Variants in MTERF4 observed in about 807,000 individuals in gnomAD.
MTERF4 encodes mitochondrial transcription termination factor 4.
Under a neutral mutation model 22.5 loss-of-function variants are expected in MTERF4, and 17 were observed. That is an observed-to-expected ratio of 0.75 (90% CI 0.52 to 1.13). The LOEUF is 1.13. Ranked by LOEUF, MTERF4 falls within the 50% of genes most tolerant of loss-of-function variation. The pLI, the probability that MTERF4 is intolerant of heterozygous loss-of-function variation, is 0.00. For missense variants in MTERF4, 420 were observed against 466.8 expected (o/e 0.90, Z 0.92); for synonymous variants, 165 against 175.3 (o/e 0.94, Z 0.47).
downstream of MTERF4, chr2:241,087,592 G>A (rs941834788): frequency 2.8e-5 from 40 of 1,451,472 alleles, no homozygotes; most frequent in African/African-American, 1.2e-4. Context: ...CGGTCTACTC[G>A]CCCAGATAGG....
chr2:241,101,020 C>G, intron 1 of MTERF4: 1 of 389,220 alleles, frequency 2.6e-6, no homozygotes, highest in South Asian at 1.9e-5. Context: ...ACGTTTTTGG[C>G]ACCAGGGACT....
downstream of MTERF4, chr2:241,067,912 C>T (rs367940771): frequency 3.5e-5 from 57 of 1,613,258 alleles, no homozygotes; most frequent in Admixed American, 1.5e-4. Flanking sequence ...ACCAGGCCAC[C>T]GATGTGGACA....
downstream of MTERF4, chr2:241,089,453 C>G: frequency 6.5e-7 from 1 of 1,542,124 alleles, no homozygotes; most frequent in Non-Finnish European, 8.8e-7. Context: ...TCACACACAC[C>G]AAAGGAAGAG....
downstream of MTERF4, chr2:241,071,483 G>A (rs1181169669): frequency 9.1e-6 from 13 of 1,433,626 alleles, no homozygotes; most frequent in African/African-American, 1.5e-4. Flanking sequence ...TCCAAGCACG[G>A]CTGAGTGTGA....
In MTERF4 at chr2:241,073,654, CT is replaced by C; in HGVS notation, n.2507del. The C allele has an allele frequency of 2.0e-6, 1 of 506,724 alleles. No homozygotes were observed. Among genetic ancestry groups the C allele is most frequent in the South Asian group, 3.6e-5 (1 of 28,148 alleles). 31.4% of individuals were successfully genotyped at this position (506,724 alleles called of 1,614,324 possible). On this transcript the variant is annotated non_coding_transcript_exon_variant, in exon 5 of 5. Transcript: ENST00000464344. The surrounding 1 kb of genome is among the most constrained non-coding windows in gnomAD (Gnocchi z 6.6). Reference sequence around the variant, plus strand: ...ATGCTGCCTCCCCTCCCCTCTCCTCCTTCGCCTCCACATGCAGCAGAGCCCA... The same window carrying C: ...ATGCTGCCTCCCCTCCCCTCTCCTCCTCGCCTCCACATGCAGCAGAGCCCA...
At chr2:241,082,159 G>C, downstream of MTERF4, 1 of 758,000 alleles carries the variant, frequency 1.3e-6, no homozygotes, top group Non-Finnish European at 2.2e-6. Context: ...CCACCATCCC[G>C]CCTTGGAGGA....
chr2:241,065,446 G>A, the MTERF4 span: 10 of 1,613,022 alleles, frequency 6.2e-6, no homozygotes, highest in East Asian at 2.2e-5. Context: ...TCCTACCGCC[G>A]CACAGACTTT....
chr2:241,064,793 A>G, the MTERF4 span: 636 of 1,333,748 alleles, frequency 4.8e-4, no homozygotes, highest in Non-Finnish European at 6.0e-4. This position sits in a 1 kb window ranked among gnomAD's most constrained non-coding sequence, Gnocchi z 7.0. Flanking sequence ...GGGCTGGAGC[A>G]GGGACCCCTG....
At chr2:241,049,202 A>T in the MTERF4 span, 6 of 1,270,468 alleles carry the variant, frequency 4.7e-6, no homozygotes, top group African/African-American at 8.8e-5. Flanking sequence ...AAAGCGGTGG[A>T]TGAGGCAGGC....
the MTERF4 span, among the ~76,000 whole-genome samples, chr2:241,066,575 C>T: frequency 1.3e-5 from 2 of 150,396 alleles, no homozygotes; most frequent in African/African-American, 4.9e-5. Flanking sequence ...GCTAGAGGCT[C>T]GAGGAAAGAG....
At chr2:241,067,994 G>A (rs372019271), downstream of MTERF4, 121 of 1,540,732 alleles carry the variant, frequency 7.9e-5, 1 homozygote, top group African/African-American at 1.6e-3. Context: ...AGGCAGGGGT[G>A]GGGGCTCGGG....
chr2:241,083,109 G>A (rs1436470145), downstream of MTERF4, among the ~76,000 whole-genome samples: 3 of 152,318 alleles, frequency 2.0e-5, no homozygotes, highest in East Asian at 5.8e-4. Flanking sequence ...GGTGGTGAGT[G>A]CAAAGGGAAA....
chr2:241,064,541 C>T, the MTERF4 span, among the ~76,000 whole-genome samples: 3 of 152,212 alleles, frequency 2.0e-5, no homozygotes, highest in Non-Finnish European at 4.4e-5. This position sits in a 1 kb window ranked among gnomAD's most constrained non-coding sequence, Gnocchi z 7.0. Flanking sequence ...TCCCTGACCA[C>T]TGACCTCCCC....
downstream of MTERF4, among the ~76,000 whole-genome samples, chr2:241,082,809 A>G (rs1330146243): frequency 6.6e-6 from 1 of 152,222 alleles, no homozygotes; most frequent in Non-Finnish European, 1.5e-5. Flanking sequence ...CTGTGGAGGG[A>G]GAGATGCCCA....
downstream of MTERF4, among the ~76,000 whole-genome samples, chr2:241,071,251 C>T (rs758080): frequency 0.051 from 7,742 of 152,232 alleles, 639 homozygotes; most frequent in African/African-American, 0.18. Flanking sequence ...GACCTGAGTC[C>T]GAGCCCGAGT....
At chr2:241,065,389 G>C in the MTERF4 span, 1 of 1,613,254 alleles carries the variant, frequency 6.2e-7, no homozygotes. Context: ...CCAGCCGCCA[G>C]GCAGATGCTT....
chr2:241,085,197 T>A (rs569477454), downstream of MTERF4, among the ~76,000 whole-genome samples: 7 of 152,318 alleles, frequency 4.6e-5, no homozygotes, highest in African/African-American at 1.7e-4. Context: ...TTCATATATT[T>A]TTCCTGTCCC....
chr2:241,086,256 C>A (rs984819491), downstream of MTERF4, among the ~76,000 whole-genome samples: 4 of 152,206 alleles, frequency 2.6e-5, no homozygotes, highest in African/African-American at 9.7e-5. Context: ...TTCTTCTTTG[C>A]CTTGTGGGGA....
At chr2:241,089,122 CG>C (rs1006426268), downstream of MTERF4, 2 of 550,756 alleles carry the variant, frequency 3.6e-6, no homozygotes, top group Admixed American at 7.6e-5. Context: ...TCTTCACAAT[CG>C]TTTGCAAGAG....
Sources: allele counts gnomAD v4.1 joint callset (sites outside exome capture counted in the v4.1 genomes callset), GRCh38; gene constraint gnomAD v4.1.1; non-coding constraint Gnocchi (gnomAD v3.1); transcripts MANE v1.5; gene names NCBI Gene and HGNC (gene_info 2026-07-23, HGNC 2026-07-21).